ZDHHC3: variants seen among roughly 807,000 people sequenced by gnomAD.
ZDHHC3 encodes zDHHC palmitoyltransferase 3.
ZDHHC3 carries 9 observed loss-of-function variants against 30.6 expected under a neutral mutation model. The observed-to-expected ratio is 0.29, with a 90% CI of 0.18 to 0.51. ZDHHC3 has a LOEUF of 0.51. ZDHHC3 is among the 20% of genes least tolerant of loss of function. The probability of loss-of-function intolerance (pLI) is 0.97; values close to 1 mark genes in which losing one functional copy is unlikely to be tolerated. For synonymous variants in ZDHHC3, 136 were observed against 140.2 expected (o/e 0.97, Z 0.21); for missense variants, 246 against 384.2 (o/e 0.64, Z 3.01).
chr3:44,915,850 C>T lies in ZDHHC3; in HGVS notation c.*10839G>A, dbSNP rs981198127. On this transcript the variant is annotated 3_prime_UTR_variant, in exon 7 of 7. Coordinates refer to ENST00000424952, the MANE Select transcript of ZDHHC3 (RefSeq NM_001135179.2). The stretch of plus-strand genomic sequence containing the variant: ...TCTTCCCTTATTCTAACTGCTGCCC[C>T]CTAGGAGACTCCAGGGGGCAGGCAT... The T allele has an allele frequency of 2.6e-5, 4 of 152,348 alleles. No individual in the cohort carries two copies. Among genetic ancestry groups the T allele is most frequent in the South Asian group, 2.1e-4 (1 of 4,820 alleles). The allele number at this position is 152,348 out of a possible 1,614,324, so 9.4% of individuals were successfully genotyped here.
At position 44,941,122 on chromosome 3, in the gene ZDHHC3, T is replaced by C. The variant is rs186061101; in HGVS notation, c.431+4046A>G. ...CACCACAGACAGGAAAGAGCAGGCC[T>C]GGAAAATGAGTTCAACTACATCAGA... On this transcript the variant is annotated intron_variant, in intron 3 of 6. Transcript: ENST00000424952. Among the ~76,000 whole-genome samples, 1,202 of 152,202 alleles carry C rather than the reference T, an allele frequency of 7.9e-3. 5 individuals carry two copies. The highest frequency in any genetic ancestry group is 0.012 in the Non-Finnish European group (844 of 68,014).
chr3:44,923,929 T>C lies in ZDHHC3; in HGVS notation c.*2760A>G, dbSNP rs1358025313. ...ATTACCAAGCCCATGCAAATATGCA[T>C]AGATTATAGATTTGCTTGGATCTAA... On this transcript the variant is annotated 3_prime_UTR_variant, in exon 7 of 7. Transcript: ENST00000424952. 1.0e-6 allele frequency: 1 copy of C among 985,466 alleles called. No homozygotes were observed. The highest frequency in any genetic ancestry group is 1.2e-6 in the Non-Finnish European group (1 of 829,934). The allele number at this position is 985,466 out of a possible 1,614,324, so 61.0% of individuals were successfully genotyped here. A position where few individuals can be genotyped will look rare whatever the true frequency, so the allele number is the denominator to read the frequency against.
chr3:44,920,436 C>A lies in ZDHHC3; in HGVS notation c.*6253G>T. ...GAAACACCCAAAAATGACAGACTGG[C>A]TGCATCCACACTGACTTGGACTCAA... On this transcript the variant is annotated 3_prime_UTR_variant, in exon 7 of 7. Transcript: ENST00000424952. 1 of 1,259,014 alleles carries A rather than the reference C, an allele frequency of 7.9e-7. No homozygotes were observed. The highest frequency in any genetic ancestry group is 2.4e-5 in the Admixed American group (1 of 42,212). 78.0% of individuals were successfully genotyped at this position (1,259,014 alleles called of 1,614,324 possible). A position where few individuals can be genotyped will look rare whatever the true frequency, so the allele number is the denominator to read the frequency against.
In ZDHHC3 at chr3:44,933,998, C is replaced by A. The variant is rs780421154; in HGVS notation, c.432-14G>T. ...CGCTTACAAACACTGAAACAGCCCACAGGTCAGACCTTTAGGGCATCCCCA... is the reference window on the plus strand; with the variant it reads ...CGCTTACAAACACTGAAACAGCCCAAAGGTCAGACCTTTAGGGCATCCCCA... On this transcript the variant is annotated splice_polypyrimidine_tract_variant and intron_variant, in intron 3 of 6. Transcript: ENST00000424952. The A allele has an allele frequency of 6.2e-7, 1 of 1,613,794 alleles. No individual in the cohort carries two copies. Among genetic ancestry groups the A allele is most frequent in the Non-Finnish European group, 8.5e-7 (1 of 1,179,814 alleles).
intron 1 of ZDHHC3, among the ~76,000 whole-genome samples, chr3:44,974,113 G>A (rs1217429443): frequency 6.6e-6 from 1 of 152,218 alleles, no homozygotes; most frequent in Non-Finnish European, 1.5e-5. Context: ...AGTGAAGACT[G>A]TCATTGTTTT....
chr3:44,953,226 A>G (rs1703625595), intron 2 of ZDHHC3, among the ~76,000 whole-genome samples: 1 of 152,232 alleles, frequency 6.6e-6, no homozygotes. Context: ...TCTGACCCAG[A>G]CAATCCAAGT....
intron 1 of ZDHHC3, among the ~76,000 whole-genome samples, chr3:44,961,357 A>G (rs1252699373): frequency 6.6e-6 from 1 of 152,216 alleles, no homozygotes. Flanking sequence ...ACGCCACTGC[A>G]CTCCAGCCTG....
At chr3:44,934,712 C>T (rs1281193187) in intron 3 of ZDHHC3, among the ~76,000 whole-genome samples, 2 of 151,478 alleles carry the variant, frequency 1.3e-5, no homozygotes, top group African/African-American at 2.4e-5. Context: ...ACGAACATGG[C>T]GAAACCCCAT....
Position 44,922,976 on chromosome 3 carries a change from G to C in ZDHHC3, c.*3713C>G, listed in dbSNP as rs887259263. The C allele has an allele frequency of 1.0e-6, 1 of 985,360 alleles. No individual in the cohort carries two copies. Among genetic ancestry groups the C allele is most frequent in the African/African-American group, 1.7e-5 (1 of 57,340 alleles). 61.0% of individuals were successfully genotyped at this position (985,360 alleles called of 1,614,324 possible). On this transcript the variant is annotated 3_prime_UTR_variant, in exon 7 of 7. Transcript: ENST00000424952. ...GCTGATGCACTGCAAGTCTTGAAAA[G>C]AGAGAAATTTAAAACCCATTAGCCT...
Position 44,923,919 on chromosome 3 carries a change from C to A in ZDHHC3, c.*2770G>T. 2.0e-6 allele frequency: 2 copies of A among 985,452 alleles called. No homozygotes were observed. Among genetic ancestry groups the A allele is most frequent in the Non-Finnish European group, 2.4e-6 (2 of 829,932 alleles). The allele number at this position is 985,452 out of a possible 1,614,324, so 61.0% of individuals were successfully genotyped here. ...TGTACATGATATTACCAAGCCCATG[C>A]AAATATGCATAGATTATAGATTTGC... On this transcript the variant is annotated 3_prime_UTR_variant, in exon 7 of 7. Coordinates refer to ENST00000424952, the MANE Select transcript of ZDHHC3 (RefSeq NM_001135179.2).
Position 44,925,504 on chromosome 3 carries a change from AG to A in ZDHHC3, c.*1184del, listed in dbSNP as rs1380837244. On this transcript the variant is annotated 3_prime_UTR_variant, in exon 7 of 7. Transcript: ENST00000424952. ...CACCTCCTTCAAACAAGACTGACACAGGAAGTGCCTCTCAAATGGAAAATCT... is the reference window on the plus strand; with the variant it reads ...CACCTCCTTCAAACAAGACTGACACAGAAGTGCCTCTCAAATGGAAAATCT... The A allele has an allele frequency of 4.1e-6, 4 of 985,344 alleles. No individual in the cohort carries two copies. The highest frequency in any genetic ancestry group is 6.1e-5 in the Admixed American group (1 of 16,272). The allele number at this position is 985,344 out of a possible 1,614,324, so 61.0% of individuals were successfully genotyped here.
chr3:44,958,592 AGGC>A, intron 2 of ZDHHC3: 1 of 1,536,122 alleles, frequency 6.5e-7, no homozygotes, highest in Non-Finnish European at 8.7e-7. Context: ...ATTCACCAAG[AGGC>A]ACTTGCTGCG....
chr3:44,965,618 A>G (rs1043335375), intron 1 of ZDHHC3, among the ~76,000 whole-genome samples: 2 of 152,188 alleles, frequency 1.3e-5, no homozygotes, highest in Non-Finnish European at 2.9e-5. Context: ...ATGTGGCAAA[A>G]AAACCCAAAA....
At position 44,959,430 on chromosome 3, in the gene ZDHHC3, G is replaced by A. The variant is rs1340289563; in HGVS notation, c.7C>T (p.Leu3Phe). The A allele has an allele frequency of 8.1e-6, 13 of 1,613,626 alleles. No homozygotes were observed. The highest frequency in any genetic ancestry group is 1.0e-5 in the Non-Finnish European group (12 of 1,179,580). The stretch of plus-strand genomic sequence containing the variant: ...TTTCGGAAGTGGTGGGTGGGGATAA[G>A]CATCATAAGCTATTCTGTCCATACT... MM[L>F]IPTHHFRNIE... Residue 3 changes from leucine to phenylalanine, a missense_variant, in exon 2 of 7, where the codon CTT (leucine) becomes TTT (phenylalanine). By Grantham distance (22) the Leu-to-Phe change is conservative. Transcript: ENST00000424952. The surrounding 1 kb of genome is among the most constrained non-coding windows in gnomAD (Gnocchi z 4.3).
chr3:44,935,487 C>T (rs907877256), intron 3 of ZDHHC3, among the ~76,000 whole-genome samples: 1 of 152,192 alleles, frequency 6.6e-6, no homozygotes, highest in African/African-American at 2.4e-5. Context: ...GTCTCAAACT[C>T]CTGAGCTCGA....
At chr3:44,958,619 T>C (rs1200510881) in intron 2 of ZDHHC3, 1 of 1,536,140 alleles carries the variant, frequency 6.5e-7, no homozygotes, top group Non-Finnish European at 8.7e-7. Context: ...TGAAACAGGC[T>C]TGTCCAGCTT....
At position 44,933,155 on chromosome 3, in the gene ZDHHC3, T is replaced by C. The variant is rs1701646989; in HGVS notation, c.573A>G (p.Gly191=). The C allele has an allele frequency of 1.2e-6, 2 of 1,613,982 alleles. No individual in the cohort carries two copies. Among genetic ancestry groups the C allele is most frequent in the Non-Finnish European group, 1.7e-6 (2 of 1,180,034 alleles). ...CTTCAAAGCAATGCAGGAAGTGGAA[T>C]CCCACCATGATGAGGGCGTGCAAGG... The part of the protein sequence containing the change: ...LISLHALIMV[G]FHFLHCFEED... Residue 191 remains glycine (G), a synonymous_variant, in exon 5 of 7, where the codon GGA becomes GGG. Transcript: ENST00000424952.
intron 1 of ZDHHC3, among the ~76,000 whole-genome samples, chr3:44,972,178 T>C (rs1705459353): frequency 6.6e-6 from 1 of 152,146 alleles, no homozygotes; most frequent in Admixed American, 6.6e-5. Context: ...AAGAGCTCTC[T>C]ATGGCTGGGC....
chr3:44,920,792 C>A lies in ZDHHC3; in HGVS notation c.*5897G>T. On this transcript the variant is annotated 3_prime_UTR_variant, in exon 7 of 7. Transcript: ENST00000424952. ...GGATTATACTCAACCTCCTCACCAA[C>A]CTCATAAAGTATTCCAGACAGAGCC... 5.1e-6 allele frequency: 5 copies of A among 985,462 alleles called. No individual in the cohort carries two copies. The highest frequency in any genetic ancestry group is 6.0e-6 in the Non-Finnish European group (5 of 829,940). 61.0% of individuals were successfully genotyped at this position (985,462 alleles called of 1,614,324 possible).
Sources: allele counts gnomAD v4.1 joint callset (sites outside exome capture counted in the v4.1 genomes callset), GRCh38; gene constraint gnomAD v4.1.1; non-coding constraint Gnocchi (gnomAD v3.1); transcripts MANE v1.5; gene names NCBI Gene and HGNC (gene_info 2026-07-23, HGNC 2026-07-21).